ANKRD28: variants seen among roughly 807,000 people sequenced by gnomAD.
The protein encoded by ANKRD28 is ankyrin repeat domain 28, also known as serine/threonine-protein phosphatase 6 regulatory ankyrin repeat subunit A.
In ANKRD28, 44 loss-of-function variants were observed where a neutral mutation model predicts 126.5. The observed-to-expected ratio is 0.35, with a 90% CI of 0.27 to 0.45. ANKRD28 has a LOEUF of 0.45. Ranked by LOEUF, ANKRD28 falls within the 20% of genes least tolerant of loss-of-function variation. The pLI is 1.00. For synonymous variants in ANKRD28, 442 were observed against 468.5 expected (o/e 0.94, Z 0.73); for missense variants, 1,110 against 1,316.6 (o/e 0.84, Z 2.43).
intron 4 of ANKRD28, among the ~76,000 whole-genome samples, chr3:15,750,758 T>TA (rs2057806938): frequency 2.0e-5 from 3 of 152,188 alleles, no homozygotes; most frequent in South Asian, 2.1e-4. Context: ...AGGCACTAGT[T>TA]AGAGTTCCCT....
chr3:15,777,248 G>A (rs2059318986), intron 2 of ANKRD28, among the ~76,000 whole-genome samples: 2 of 143,884 alleles, frequency 1.4e-5, no homozygotes, highest in Non-Finnish European at 3.0e-5. Flanking sequence ...TACCAGCCTA[G>A]GTGACAGAGC....
Position 15,850,224 on chromosome 3 carries a change from T to TAG in ANKRD28, c.27+9151_27+9152dup, listed in dbSNP as rs375278547. ...AAAAAAATATATATATATATATATA[T>TAG]AGAGAGAGAGAGAGAGAGAGAGAGA... On this transcript the variant is annotated intron_variant, in intron 1 of 27. Transcript: ENST00000399451. Among the ~76,000 whole-genome samples the TAG allele has an allele frequency of 9.8e-3, 345 of 35,102 alleles. 8 individuals carry two copies. The highest frequency in any genetic ancestry group is 0.053 in the Middle Eastern group (2 of 38). 23.0% of individuals were successfully genotyped at this position (35,102 alleles called of 152,430 possible).
At chr3:15,734,327 A>G (rs142871584) in intron 6 of ANKRD28, among the ~76,000 whole-genome samples, 1 of 152,372 alleles carries the variant, frequency 6.6e-6, no homozygotes, top group Non-Finnish European at 1.5e-5. Flanking sequence ...GACAAAACCA[A>G]GAACAGAAAG....
rs562714885 is a variant in ANKRD28, at chr3:15,667,426, A to G, written c.*2844T>C. ...TAGTTCTAGAGCAGAAGCTGGTATT[A>G]TAATACACATCAGATATTTCAGATG... is the stretch of plus-strand genomic sequence containing the variant. On this transcript the variant is annotated 3_prime_UTR_variant, in exon 28 of 28. Coordinates refer to ENST00000683139, the MANE Select transcript of ANKRD28 (RefSeq NM_001349278.2). The G allele has an allele frequency of 6.6e-6, 1 of 152,360 alleles. No individual in the cohort carries two copies. Among genetic ancestry groups the G allele is most frequent in the African/African-American group, 2.4e-5 (1 of 41,584 alleles). The allele number at this position is 152,360 out of a possible 1,614,324, so 9.4% of individuals were successfully genotyped here.
chr3:15,717,015 T>G (rs940272978), intron 8 of ANKRD28, among the ~76,000 whole-genome samples: 5 of 152,238 alleles, frequency 3.3e-5, no homozygotes, highest in Non-Finnish European at 5.9e-5. Flanking sequence ...ATATATATTA[T>G]TTAATTCTCA....
rs990623832 is a variant in ANKRD28, at chr3:15,814,446, T to A, written c.28-19140A>T. 3.2e-6 allele frequency: 1 copy of A among 312,174 alleles called. No individual in the cohort carries two copies. The highest frequency in any genetic ancestry group is 5.2e-6 in the Non-Finnish European group (1 of 194,048). The allele number at this position is 312,174 out of a possible 1,614,324, so 19.3% of individuals were successfully genotyped here. On this transcript the variant is annotated intron_variant, in intron 1 of 27. Coordinates refer to the ANKRD28 transcript ENST00000399451. This position sits in a 1 kb window ranked among gnomAD's most constrained non-coding sequence, Gnocchi z 4.7. ...ATTCAAAAACTTACTTTGGATTTTA[T>A]TAATTCAGAATTTACTTTTATCCTT...
chr3:15,679,586 G>T (rs749832090), intron 21 of ANKRD28, 23 bp from the exon 22 acceptor site: 2 of 1,581,400 alleles, frequency 1.3e-6, no homozygotes, highest in Admixed American at 1.8e-5. Flanking sequence ...AAAGAACCAG[G>T]TATTAAAATT....
At chr3:15,762,482 T>G (rs1424435382) in intron 3 of ANKRD28, among the ~76,000 whole-genome samples, 1 of 152,172 alleles carries the variant, frequency 6.6e-6, no homozygotes, top group East Asian at 1.9e-4. Flanking sequence ...ATTGTAGAAT[T>G]TAAAACATAT....
rs1429111244 is a variant in ANKRD28 at position 15,846,483 on chromosome 3, T to C, written c.27+12894A>G. Among the ~76,000 whole-genome samples, 2 of 152,122 alleles carry C rather than the reference T, an allele frequency of 1.3e-5. No homozygotes were observed. Among genetic ancestry groups the C allele is most frequent in the Non-Finnish European group, 2.9e-5 (2 of 68,040 alleles). ...CGAGGCTGCTTTCACAAACACAATA[T>C]ATACAGGGTCTGGAAGTCAACAGCT... On this transcript the variant is annotated intron_variant, in intron 1 of 27. Coordinates refer to the ANKRD28 transcript ENST00000399451. This position sits in a 1 kb window ranked among gnomAD's most constrained non-coding sequence, Gnocchi z 5.4.
intron 1 of ANKRD28, among the ~76,000 whole-genome samples, chr3:15,836,815 G>A (rs1342262490): frequency 1.3e-5 from 2 of 152,066 alleles, no homozygotes; most frequent in African/African-American, 2.4e-5. Context: ...GGTGGCTCAC[G>A]CCTGTAATCC....
At position 15,846,977 on chromosome 3, in the gene ANKRD28, T is replaced by C. The variant is rs964930709; in HGVS notation, c.27+12400A>G. Among the ~76,000 whole-genome samples, 1 of 152,194 alleles carries C rather than the reference T, an allele frequency of 6.6e-6. No homozygotes were observed. The highest frequency in any genetic ancestry group is 2.4e-5 in the African/African-American group (1 of 41,456). ...CAAAAGGTCTAGTAAATATAAGTTA[T>C]CTGGGGCCTGGGAGAAAAGAAAACA... On this transcript the variant is annotated intron_variant, in intron 1 of 27. Transcript: ENST00000399451. The surrounding 1 kb of genome is among the most constrained non-coding windows in gnomAD (Gnocchi z 5.4).
intron 1 of ANKRD28, among the ~76,000 whole-genome samples, chr3:15,823,516 G>A (rs530751997): frequency 6.6e-6 from 1 of 152,268 alleles, no homozygotes; most frequent in Non-Finnish European, 1.5e-5. Context: ...AAAAGAAGAG[G>A]GAGAACTTGA....
At chr3:15,825,690 C>T (rs1215777262) in intron 1 of ANKRD28, among the ~76,000 whole-genome samples, 1 of 152,042 alleles carries the variant, frequency 6.6e-6, no homozygotes, top group African/African-American at 2.4e-5. Context: ...ACAAAGTAGA[C>T]TAGCCACAGA....
chr3:15,707,852 C>T lies in ANKRD28; in HGVS notation c.1547+72G>A, dbSNP rs186585050. On this transcript the variant is annotated intron_variant, in intron 14 of 27. Coordinates refer to ENST00000683139, the MANE Select transcript of ANKRD28 (RefSeq NM_001349278.2). ...ACAAAGAGGAAACACAAATTTGCAA[C>T]AAAAACATCCATATGGAAGATGCCA... 6 of 1,524,086 alleles carry T rather than the reference C, an allele frequency of 3.9e-6. No individual in the cohort carries two copies. In the African/African-American group the frequency reaches 5.5e-5, roughly 14 times the overall value. The allele number at this position is 1,524,086 out of a possible 1,614,324, so 94.4% of individuals were successfully genotyped here.
At position 15,796,537 on chromosome 3, in the gene ANKRD28, A is replaced by T. The variant is rs1393025990; in HGVS notation, c.-16T>A. 7.8e-7 allele frequency: 1 copy of T among 1,276,706 alleles called. No homozygotes were observed. The highest frequency in any genetic ancestry group is 1.5e-5 in the African/African-American group (1 of 65,564). The allele number at this position is 1,276,706 out of a possible 1,614,324, so 79.1% of individuals were successfully genotyped here. On this transcript the variant is annotated 5_prime_UTR_variant, in exon 1 of 28. Transcript: ENST00000683139. The stretch of plus-strand genomic sequence containing the variant: ...CTCGACTCATTCGATCTTTTAAAAC[A>T]CTAAATTCCAAGCTATGTGATAAAA...
intron 1 of ANKRD28, among the ~76,000 whole-genome samples, chr3:15,850,360 T>C (rs1462690735): frequency 6.6e-6 from 1 of 151,768 alleles, no homozygotes; most frequent in Admixed American, 6.6e-5. Flanking sequence ...ATTAGCTCCC[T>C]AGGGCTAACA....
chr3:15,781,692 T>A (rs1226745310), intron 2 of ANKRD28: 1 of 152,176 alleles, frequency 6.6e-6, no homozygotes, highest in African/African-American at 2.4e-5. Context: ...TCACAAAATA[T>A]GTAATGTCTA....
At position 15,702,073 on chromosome 3, in the gene ANKRD28, C is replaced by T. The variant is rs558782678; in HGVS notation, c.1548-5828G>A. Among the ~76,000 whole-genome samples the T allele has an allele frequency of 3.9e-5, 6 of 152,264 alleles. No individual in the cohort carries two copies. The South Asian group carries it at 1.2e-3, about 32-fold the overall frequency. ...GGCATACCTTTCAGATTTTGCTAAA[C>T]AATATAAATTTTCATAATTACTCTG... On this transcript the variant is annotated intron_variant, in intron 14 of 27. Transcript: ENST00000683139.
At chr3:15,813,686 A>G (rs2060773403) in intron 1 of ANKRD28, among the ~76,000 whole-genome samples, 1 of 152,336 alleles carries the variant, frequency 6.6e-6, no homozygotes, top group East Asian at 1.9e-4. Flanking sequence ...TCCTATCTTC[A>G]CTAGTGCCTG....
Sources: allele counts gnomAD v4.1 joint callset (sites outside exome capture counted in the v4.1 genomes callset), GRCh38; gene constraint gnomAD v4.1.1; non-coding constraint Gnocchi (gnomAD v3.1); transcripts MANE v1.5; gene names NCBI Gene and HGNC (gene_info 2026-07-23, HGNC 2026-07-21).